DIS3L: variants seen among roughly 807,000 people sequenced by gnomAD.
The protein encoded by DIS3L is DIS3-like exonuclease 1.
In DIS3L, 100 loss-of-function variants were observed where a neutral mutation model predicts 120.3. That is an observed-to-expected ratio of 0.83 (90% CI 0.71 to 0.98). The LOEUF (loss-of-function observed/expected upper bound fraction) is 0.98, where lower values mean the gene tolerates loss of function less well. DIS3L is among the 50% of genes least tolerant of loss of function. The pLI is 0.00. For missense variants in DIS3L, 1,196 were observed against 1,314.2 expected, an observed-to-expected ratio of 0.91 and a Z score of 1.39; for synonymous variants, 426 against 470.6, an observed-to-expected ratio of 0.91 and a Z score of 1.23.
chr15:66,311,668 A>G (rs1336992923), intron 4 of DIS3L, 56 bp from the exon 5 acceptor site: 1 of 1,599,032 alleles, frequency 6.3e-7, no homozygotes, highest in Non-Finnish European at 8.5e-7. Context: ...TCATAGTACC[A>G]TGGTGAAGAA....
At chr15:66,314,965 T>C (rs1242767476) in intron 6 of DIS3L, 71 bp from the exon 7 acceptor site, 27 of 1,500,856 alleles carry the variant, frequency 1.8e-5, no homozygotes, top group South Asian at 2.4e-5. Flanking sequence ...GAGTATATCA[T>C]GCGCGGAATG....
chr15:66,330,335 C>T, intron 14 of DIS3L: 2 of 985,082 alleles, frequency 2.0e-6, no homozygotes, highest in Non-Finnish European at 2.4e-6. Flanking sequence ...TTTGAATCTG[C>T]TTTTTTCATG....
At chr15:66,296,512 CTT>C (rs3082898) in intron 2 of DIS3L, among the ~76,000 whole-genome samples, 15,950 of 133,660 alleles carry the variant, frequency 0.12, 942 homozygotes, top group Non-Finnish European at 0.15. Flanking sequence ...AAAAAGAAGT[CTT>C]TTTTTTTTTT....
chr15:66,326,308 G>A lies in DIS3L; in HGVS notation c.2145G>A (p.Glu715=). The change falls in exon 12 of 17, where the codon GAG becomes GAA. Residue 715 remains glutamate, a synonymous_variant. Coordinates refer to ENST00000319212, the MANE Select transcript of DIS3L (RefSeq NM_001143688.3). ...LLRQHPPPHQ[E]FFSELRECAK... Reference sequence around the variant, plus strand: ...GCCAGCACCCTCCTCCACACCAGGAGTTCTTTTCAGAACTCCGGGAATGTG... The same window carrying A: ...GCCAGCACCCTCCTCCACACCAGGAATTCTTTTCAGAACTCCGGGAATGTG... 1.9e-6 allele frequency: 3 copies of A among 1,614,144 alleles called. No individual in the cohort carries two copies. Among genetic ancestry groups the A allele is most frequent in the Non-Finnish European group, 2.5e-6 (3 of 1,180,032 alleles).
chr15:66,321,715 G>A (rs2092885756), intron 9 of DIS3L, among the ~76,000 whole-genome samples: 1 of 150,026 alleles, frequency 6.7e-6, no homozygotes, highest in Admixed American at 6.7e-5. Flanking sequence ...GCAGTGAGCC[G>A]AGATCGCACC....
At chr15:66,318,165 G>C (rs1464076741) in intron 7 of DIS3L, among the ~76,000 whole-genome samples, 1 of 152,018 alleles carries the variant, frequency 6.6e-6, no homozygotes, top group East Asian at 1.9e-4. Context: ...GTAGAGGTGG[G>C]GTTTCACCAT....
At chr15:66,323,464 T>TCGCGTTGC in intron 10 of DIS3L, 29 bp from the exon 11 acceptor site, 1 of 1,611,856 alleles carries the variant, frequency 6.2e-7, no homozygotes. Flanking sequence ...CTGCTAAAGG[T>TCGCGTTGC]CGCGTTGCCG....
chr15:66,325,812 A>C lies in DIS3L; in HGVS notation c.1668-19A>C. 1.3e-6 allele frequency: 2 copies of C among 1,571,282 alleles called. No homozygotes were observed. Among genetic ancestry groups the C allele is most frequent in the Non-Finnish European group, 1.7e-6 (2 of 1,156,890 alleles). ...GATGAATTTGAATAGTGATGTTGTC[A>C]ATGTTACTGTTTTTGTAGGTATGCT... is the stretch of plus-strand genomic sequence containing the variant. On this transcript the variant is annotated intron_variant, in intron 11 of 16. Coordinates refer to ENST00000319212, the MANE Select transcript of DIS3L (RefSeq NM_001143688.3).
intron 7 of DIS3L, 126 bp downstream of exon 7, chr15:66,315,341 G>A (rs1408171337): frequency 1.1e-6 from 1 of 914,208 alleles, no homozygotes; most frequent in Non-Finnish European, 1.5e-6. Flanking sequence ...GACAAAAACT[G>A]TATTTATTGT....
chr15:66,323,623 C>A lies in DIS3L; in HGVS notation c.1667+38C>A, dbSNP rs1426274755. ...CTTTTGTCTTCAAAGCTTGTCCTGG[C>A]CCTTCTGTGGCTCCTGATGCTGCCT... On this transcript the variant is annotated intron_variant, in intron 11 of 16. Transcript: ENST00000319212. 3 of 1,600,700 alleles carry A rather than the reference C, an allele frequency of 1.9e-6. No homozygotes were observed. The Admixed American group carries it at 5.0e-5, about 27-fold the overall frequency.
chr15:66,328,843 A>T, intron 12 of DIS3L, 127 bp from the exon 13 acceptor site: 2 of 1,172,924 alleles, frequency 1.7e-6, no homozygotes, highest in Non-Finnish European at 2.4e-6. Context: ...GTGCTTCTGA[A>T]ACGTGTCCAA....
At chr15:66,304,228 A>G (rs1009933030) in intron 2 of DIS3L, among the ~76,000 whole-genome samples, 1 of 151,946 alleles carries the variant, frequency 6.6e-6, no homozygotes, top group Non-Finnish European at 1.5e-5. Flanking sequence ...AGGCAGGAGG[A>G]TCGATTGAGC....
intron 2 of DIS3L, among the ~76,000 whole-genome samples, chr15:66,300,335 C>T (rs1356751079): frequency 6.6e-6 from 1 of 152,096 alleles, no homozygotes; most frequent in Non-Finnish European, 1.5e-5. Flanking sequence ...GTAAAATGTC[C>T]AGAACAGGTA....
At chr15:66,323,693 CTG>C in intron 11 of DIS3L, 108 bp downstream of exon 11, 1 of 1,146,410 alleles carries the variant, frequency 8.7e-7, no homozygotes, top group Non-Finnish European at 1.3e-6. Context: ...CACCCCAGCC[CTG>C]TGTCTCCCCT....
chr15:66,293,616 A>AGGT lies in DIS3L; in HGVS notation c.22_24dup (p.Val8dup). ...GCCGCCATGCTGCAGAAGCGGGAGA[A>AGGT]GGTGCTGCTGCTGAGGACCTTCCAG... is the stretch of plus-strand genomic sequence containing the variant. On this transcript the variant is annotated inframe_insertion, in exon 1 of 17. Coordinates refer to ENST00000319212, the MANE Select transcript of DIS3L (RefSeq NM_001143688.3). 1 of 1,445,184 alleles carries AGGT rather than the reference A, an allele frequency of 6.9e-7. No individual in the cohort carries two copies. The highest frequency in any genetic ancestry group is 3.2e-5 in the East Asian group (1 of 31,074). 89.5% of individuals were successfully genotyped at this position (1,445,184 alleles called of 1,614,324 possible).
At chr15:66,302,544 G>A (rs983917487) in intron 2 of DIS3L, among the ~76,000 whole-genome samples, 11 of 152,200 alleles carry the variant, frequency 7.2e-5, no homozygotes. Context: ...GCATTCATTT[G>A]TTCATTTGGA....
At position 66,333,344 on chromosome 15, in the gene DIS3L, G is replaced by A. The variant is rs1384109192; in HGVS notation, c.*32G>A. ...CTTACTTCACTAAGAGCTGTCATAT[G>A]TGAATGTTTTACAGTCTTTTCAAAC... is the stretch of plus-strand genomic sequence containing the variant. On this transcript the variant is annotated 3_prime_UTR_variant, in exon 17 of 17. Coordinates refer to ENST00000319212, the MANE Select transcript of DIS3L (RefSeq NM_001143688.3). The A allele has an allele frequency of 1.3e-6, 2 of 1,558,302 alleles. No individual in the cohort carries two copies. Among genetic ancestry groups the A allele is most frequent in the Non-Finnish European group, 1.7e-6 (2 of 1,156,194 alleles).
At chr15:66,295,515 C>T (rs975159251) in intron 2 of DIS3L, among the ~76,000 whole-genome samples, 3 of 152,076 alleles carry the variant, frequency 2.0e-5, no homozygotes, top group African/African-American at 7.2e-5. Context: ...ACGTTCTTTT[C>T]TTGGGGAAAA....
rs562299911 is a variant in DIS3L, at chr15:66,297,032, A to G, written c.293+1891A>G. Among the ~76,000 whole-genome samples the G allele has an allele frequency of 4.6e-5, 7 of 152,328 alleles. No homozygotes were observed. The East Asian group carries it at 1.4e-3, about 29-fold the overall frequency. On this transcript the variant is annotated intron_variant, in intron 2 of 16. Transcript: ENST00000319212. ...TTGAGACTGGTCTTTAAGGCGTATT[A>G]CGAGTATGATTGAAGAAGAGGAAGA... is the stretch of plus-strand genomic sequence containing the variant.
Sources: allele counts gnomAD v4.1 joint callset (sites outside exome capture counted in the v4.1 genomes callset), GRCh38; gene constraint gnomAD v4.1.1; transcripts MANE v1.5; gene names NCBI Gene and HGNC (gene_info 2026-07-23, HGNC 2026-07-21).